SFPQ: variants seen among roughly 807,000 people sequenced by gnomAD.
SFPQ encodes splicing factor proline and glutamine rich, also known as splicing factor, proline- and glutamine-rich.
Under a neutral mutation model 72.9 loss-of-function variants are expected in SFPQ, and 11 were observed. The ratio of observed to expected loss-of-function variants is 0.15; its 90% CI spans 0.09 to 0.25. SFPQ has a LOEUF of 0.25. Among genes scored for constraint, SFPQ ranks in the 10% least tolerant of loss-of-function variants. The pLI, the probability that SFPQ is intolerant of heterozygous loss-of-function variation, is 1.00. For missense variants in SFPQ, 847 were observed against 993.3 expected, an observed-to-expected ratio of 0.85 and a Z score of 1.98; for synonymous variants, 506 against 367.3, an observed-to-expected ratio of 1.38 and a Z score of -4.32.
At position 35,183,126 on chromosome 1, in the gene SFPQ, T is replaced by A. The variant is rs1391004639; in HGVS notation, c.*1330A>T. On this transcript the variant is annotated 3_prime_UTR_variant, in exon 10 of 10. Coordinates refer to ENST00000357214, the MANE Select transcript of SFPQ (RefSeq NM_005066.3). ...TCTTAGAAGAGAACCAATAGATTTT[T>A]ATAGTCCTATAGATTTTGCCCAACA... The A allele has an allele frequency of 9.7e-7, 1 of 1,028,116 alleles. No individual in the cohort carries two copies. The highest frequency in any genetic ancestry group is 1.2e-6 in the Non-Finnish European group (1 of 855,800). 63.7% of individuals were successfully genotyped at this position (1,028,116 alleles called of 1,614,324 possible).
downstream of SFPQ, chr1:35,179,184 G>A: frequency 9.4e-7 from 1 of 1,060,802 alleles, no homozygotes; most frequent in Non-Finnish European, 1.1e-6. Context: ...ATCATTAAGT[G>A]AAAGGCAGTA....
In SFPQ at chr1:35,183,565, C is replaced by T; in HGVS notation, c.*891G>A. 2.0e-6 allele frequency: 2 copies of T among 1,019,312 alleles called. No individual in the cohort carries two copies. Among genetic ancestry groups the T allele is most frequent in the Non-Finnish European group, 1.2e-6 (1 of 849,808 alleles). The allele number at this position is 1,019,312 out of a possible 1,614,324, so 63.1% of individuals were successfully genotyped here. A position where few individuals can be genotyped will look rare whatever the true frequency, so the allele number is the denominator to read the frequency against. ...CAAGTTTTGTTTTTTAGACTACACC[C>T]CATCTTTATAAATCACTTGAATACA... On this transcript the variant is annotated 3_prime_UTR_variant, in exon 10 of 10. Coordinates refer to ENST00000357214, the MANE Select transcript of SFPQ (RefSeq NM_005066.3).
At position 35,192,575 on chromosome 1, in the gene SFPQ, A is replaced by T. The variant is rs1213762517; in HGVS notation, c.475T>A (p.Ser159Thr). 3 of 1,335,056 alleles carry T rather than the reference A, an allele frequency of 2.2e-6. No homozygotes were observed. Among genetic ancestry groups the T allele is most frequent in the East Asian group, 6.3e-5 (2 of 31,930 alleles). 82.7% of individuals were successfully genotyped at this position (1,335,056 alleles called of 1,614,324 possible). A position where few individuals can be genotyped will look rare whatever the true frequency, so the allele number is the denominator to read the frequency against. The change falls in exon 1 of 10, where the codon TCG (serine) becomes ACG (threonine). Residue 159 changes from serine (S) to threonine (T), a missense_variant. Physicochemically the swap from Ser to Thr is moderately conservative, Grantham distance 58 (BLOSUM62 1). Around this residue, in one of 6 missense-constraint regions of SFPQ, gnomAD observed 498 missense variants for 405.1 expected, o/e 1.23. Coordinates refer to ENST00000357214, the MANE Select transcript of SFPQ (RefSeq NM_005066.3). Reference sequence around the variant, plus strand: ...GGTGGCGGCGCCCCGGGAGGGGCCGAGGTGACTGCAGGCGGCGGGGTCGGA... The same window carrying T: ...GGTGGCGGCGCCCCGGGAGGGGCCGTGGTGACTGCAGGCGGCGGGGTCGGA... ...PTPTPPPAVT[S>T]APPGAPPPTP... is the part of the protein sequence containing the mutation.
chr1:35,187,169 CTACTTA>C (rs1557799464), intron 8 of SFPQ, 28 bp downstream of exon 8: 2 of 1,613,888 alleles, frequency 1.2e-6, no homozygotes, highest in East Asian at 2.2e-5. Flanking sequence ...ATACTACTCT[CTACTTA>C]TATCATTAAT....
intron 4 of SFPQ, among the ~76,000 whole-genome samples, chr1:35,189,874 C>T (rs1273000552): frequency 1.3e-5 from 2 of 152,032 alleles, no homozygotes; most frequent in African/African-American, 4.8e-5. Flanking sequence ...TCACTTGAAC[C>T]CGGGAGGCAA....
At chr1:35,182,675 G>C (rs1018107013), downstream of SFPQ, 5 of 985,252 alleles carry the variant, frequency 5.1e-6, no homozygotes, top group Non-Finnish European at 6.0e-6. Flanking sequence ...CAAGAAAAGA[G>C]GTGAAAAGGA....
Position 35,184,360 on chromosome 1 carries a change from A to G in SFPQ, c.*96T>C. ...AGGTCAATAAACTGCTAACATCCAT[A>G]AAAAGATAGCTTTCTTACTAAAATG... On this transcript the variant is annotated 3_prime_UTR_variant, in exon 10 of 10. Transcript: ENST00000357214. 1.3e-6 allele frequency: 2 copies of G among 1,563,238 alleles called. No individual in the cohort carries two copies. Among genetic ancestry groups the G allele is most frequent in the Non-Finnish European group, 8.6e-7 (1 of 1,162,994 alleles).
intron 1 of SFPQ, 72 bp downstream of exon 1, chr1:35,192,144 CCCAGCG>C: frequency 8.4e-7 from 1 of 1,189,412 alleles, no homozygotes; most frequent in Non-Finnish European, 1.1e-6. Flanking sequence ...AAAATGGAAG[CCCAGCG>C]CGGGGGCGGG....
chr1:35,183,103 TTAG>T lies in SFPQ; in HGVS notation c.*1350_*1352del. On this transcript the variant is annotated 3_prime_UTR_variant, in exon 10 of 10. Coordinates refer to ENST00000357214, the MANE Select transcript of SFPQ (RefSeq NM_005066.3). ...ATTTGTTAACAATCACCACTAGCTC[TTAG>T]AAGAGAACCAATAGATTTTTATAGT... 1.9e-6 allele frequency: 2 copies of T among 1,028,506 alleles called. No homozygotes were observed. The highest frequency in any genetic ancestry group is 1.2e-6 in the Non-Finnish European group (1 of 857,838). The allele number at this position is 1,028,506 out of a possible 1,614,324, so 63.7% of individuals were successfully genotyped here. A position where few individuals can be genotyped will look rare whatever the true frequency, so the allele number is the denominator to read the frequency against.
downstream of SFPQ, chr1:35,178,154 A>T: frequency 1.8e-6 from 2 of 1,083,822 alleles, no homozygotes; most frequent in Non-Finnish European, 2.3e-6. Flanking sequence ...ATTGGGGGTA[A>T]GTTACAGCAT....
downstream of SFPQ, chr1:35,181,865 T>C: frequency 2.0e-6 from 2 of 985,274 alleles, no homozygotes; most frequent in Non-Finnish European, 2.4e-6. Context: ...TCTATTTGAG[T>C]AAGCTTACAA....
chr1:35,187,710 G>T (rs1639787427), intron 7 of SFPQ, among the ~76,000 whole-genome samples: 1 of 150,722 alleles, frequency 6.6e-6, no homozygotes, highest in African/African-American at 2.4e-5. Flanking sequence ...CAGCCTGGGT[G>T]ACAAGAGCAA....
chr1:35,176,498 C>T (rs1386270820), intron 5 of SFPQ: 1 of 152,034 alleles, frequency 6.6e-6, no homozygotes, highest in African/African-American at 2.4e-5. Flanking sequence ...ATGATTACTC[C>T]AAAGGATACA....
intron 9 of SFPQ, 62 bp from the exon 10 acceptor site, chr1:35,184,655 TA>T: frequency 6.8e-7 from 1 of 1,467,332 alleles, no homozygotes; most frequent in Non-Finnish European, 9.0e-7. Context: ...GTTAAGTAAA[TA>T]TTTTAGAAGG....
chr1:35,178,044 A>ATAAT, downstream of SFPQ: 2 of 1,287,252 alleles, frequency 1.6e-6, no homozygotes, highest in Non-Finnish European at 2.0e-6. Context: ...TACCTAAAGA[A>ATAAT]TAATAAGAAA....
At chr1:35,191,659 T>C (rs1207226870) in intron 1 of SFPQ, 130 bp from the exon 2 acceptor site, 8 of 665,438 alleles carry the variant, frequency 1.2e-5, no homozygotes, top group African/African-American at 9.1e-5. Flanking sequence ...AAGGTTTTAC[T>C]ATGTGAGATT....
chr1:35,184,603 C>CA lies in SFPQ; in HGVS notation c.1987-11dup. 6.4e-7 allele frequency: 1 copy of CA among 1,551,322 alleles called. No individual in the cohort carries two copies. Among genetic ancestry groups the CA allele is most frequent in the Non-Finnish European group, 8.7e-7 (1 of 1,154,850 alleles). On this transcript the variant is annotated splice_polypyrimidine_tract_variant and intron_variant, in intron 9 of 9. Coordinates refer to ENST00000357214, the MANE Select transcript of SFPQ (RefSeq NM_005066.3). ...CAAAGCGCTCAGTACGCTATTGGAA[C>CA]AGTAATTAACAGTTCATTATAAGTA...
At chr1:35,180,524 C>T (rs10493066), downstream of SFPQ, 75,942 of 1,049,484 alleles carry the variant, frequency 0.072, 16,290 homozygotes, top group East Asian at 0.69. Context: ...AGTATAGACA[C>T]ATTTAGACAA....
chr1:35,180,697 G>GA, downstream of SFPQ: 1 of 1,056,824 alleles, frequency 9.5e-7, no homozygotes, highest in Non-Finnish European at 1.1e-6. Flanking sequence ...ATTGCATAAT[G>GA]AAATTACTGA....
Sources: allele counts gnomAD v4.1 joint callset (sites outside exome capture counted in the v4.1 genomes callset), GRCh38; gene constraint gnomAD v4.1.1; regional missense constraint gnomAD v4.1.1; transcripts MANE v1.5; gene names NCBI Gene and HGNC (gene_info 2026-07-23, HGNC 2026-07-21).